The following APC variants were observed in gnomAD, a reference collection of about 807,000 sequenced individuals.
APC encodes adenomatous polyposis coli protein.
APC carries 72 observed loss-of-function variants against 247.0 expected under a neutral mutation model. The observed-to-expected ratio is 0.29, with a 90% CI of 0.24 to 0.35. The LOEUF is 0.35. Ranked by LOEUF, APC falls within the 10% of genes least tolerant of loss-of-function variation. The pLI is 1.00. For missense variants in APC, 3,400 were observed against 3,360.7 expected (o/e 1.01, Z -0.29); for synonymous variants, 1,254 against 1,162.5 (o/e 1.08, Z -1.60).
rs114262655 is a variant in APC, at chr5:112,808,627, G to A, written c.835-6868G>A. ...TCCCTCTGTTCCCCAGGCTGGTCTT[G>A]AACTCAAACTGATCTCAAGCAGTCC... is the stretch of plus-strand genomic sequence containing the variant. On this transcript the variant is annotated intron_variant, in intron 8 of 15. Coordinates refer to ENST00000257430, the MANE Select transcript of APC (RefSeq NM_000038.6). 8.1e-3 allele frequency among the ~76,000 whole-genome samples: 1,229 copies of A among 152,092 alleles called. 27 individuals are homozygous for A. Among genetic ancestry groups the A allele is most frequent in the African/African-American group, 0.028 (1,176 of 41,506 alleles).
intron 1 of APC, among the ~76,000 whole-genome samples, chr5:112,726,305 C>G (rs752565346): frequency 6.6e-6 from 1 of 152,088 alleles, no homozygotes; most frequent in East Asian, 1.9e-4. Flanking sequence ...TGGGTTTTAT[C>G]GAGTTGTGGA....
intron 1 of APC, among the ~76,000 whole-genome samples, chr5:112,726,013 T>A (rs559279032): frequency 6.6e-6 from 1 of 152,234 alleles, no homozygotes; most frequent in South Asian, 2.1e-4. Flanking sequence ...GTGGCTCATC[T>A]GTTCAGGCCA....
intron 11 of APC, among the ~76,000 whole-genome samples, chr5:112,826,874 G>A (rs1297864559): frequency 6.6e-6 from 1 of 152,098 alleles, no homozygotes; most frequent in Non-Finnish European, 1.5e-5. Flanking sequence ...GCAAGATAAG[G>A]GGCTGGGGGT....
chr5:112,795,256 G>T (rs993317384), intron 7 of APC, among the ~76,000 whole-genome samples: 2 of 152,140 alleles, frequency 1.3e-5, no homozygotes, highest in Non-Finnish European at 2.9e-5. Flanking sequence ...TTGAACTCCT[G>T]ACCTCATGAT....
At chr5:112,749,956 C>CT (rs796681523) in intron 1 of APC, among the ~76,000 whole-genome samples, 1,270 of 118,034 alleles carry the variant, frequency 0.011, 6 homozygotes, top group African/African-American at 0.029. Context: ...TTCTTTTTCT[C>CT]TTTTTTTTTT....
At chr5:112,786,146 A>G (rs895949221) in intron 6 of APC, among the ~76,000 whole-genome samples, 3 of 152,168 alleles carry the variant, frequency 2.0e-5, no homozygotes, top group Non-Finnish European at 4.4e-5. Flanking sequence ...TGCAGTGGCC[A>G]TTCACAGGAG....
rs1763893390 is a variant in APC, at chr5:112,828,021, T to A, written c.1626+15T>A. The stretch of plus-strand genomic sequence containing the variant: ...ACTTACAGCAGGTACTATTTAGAAT[T>A]TCACCTGTTTTTCTTTTTTCTCTTT... On this transcript the variant is annotated intron_variant, in intron 13 of 15. Coordinates refer to ENST00000257430, the MANE Select transcript of APC (RefSeq NM_000038.6). The A allele has an allele frequency of 6.2e-7, 1 of 1,607,026 alleles. No individual in the cohort carries two copies. The highest frequency in any genetic ancestry group is 8.5e-7 in the Non-Finnish European group (1 of 1,175,294).
intron 1 of APC, among the ~76,000 whole-genome samples, chr5:112,741,932 A>G (rs924627275): frequency 2.0e-5 from 3 of 152,232 alleles, no homozygotes; most frequent in African/African-American, 7.2e-5. Flanking sequence ...AGGTTCATCC[A>G]TACTGTAGCC....
At position 112,844,992 on chromosome 5, in the gene APC, T is replaced by C. The variant is rs1469052911; in HGVS notation, c.*866T>C. 1 of 232,290 alleles carries C rather than the reference T, an allele frequency of 4.3e-6. No homozygotes were observed. Among genetic ancestry groups the C allele is most frequent in the African/African-American group, 2.2e-5 (1 of 45,284 alleles). The allele number at this position is 232,290 out of a possible 1,614,324, so 14.4% of individuals were successfully genotyped here. ...TGCTGTATGTAAACTGTTACTGAAA[T>C]TGGTATTTGTTTGAAGGGTCTTGTT... On this transcript the variant is annotated 3_prime_UTR_variant, in exon 16 of 16. Coordinates refer to ENST00000257430, the MANE Select transcript of APC (RefSeq NM_000038.6).
exon 1 of APC, chr5:112,707,789 C>T (rs2149630853): frequency 7.3e-7 from 1 of 1,370,666 alleles, no homozygotes; most frequent in Non-Finnish European, 9.6e-7. Flanking sequence ...TTCTCGGGTC[C>T]TGGAGCACCG....
At chr5:112,818,869 T>TTTGAGTTA in intron 9 of APC, 97 bp from the exon 10 acceptor site, 4 of 1,376,290 alleles carry the variant, frequency 2.9e-6, no homozygotes, top group Admixed American at 1.8e-5. Context: ...TTTTGTTTTT[T>TTTGAGTTA]TAGAGTTATA....
At chr5:112,735,500 C>CAT (rs3884086), upstream of APC, among the ~76,000 whole-genome samples, 56,723 of 146,378 alleles carry the variant, frequency 0.39, 11,782 homozygotes, top group East Asian at 0.65. Context: ...TTAATGCATA[C>CAT]ATATATATAT....
chr5:112,827,309 C>A, intron 12 of APC, 62 bp downstream of exon 12: 1 of 1,567,652 alleles, frequency 6.4e-7, no homozygotes, highest in Non-Finnish European at 8.8e-7. Flanking sequence ...TACTTTCATA[C>A]AAATACATTT....
chr5:112,816,766 C>A (rs1448675076), intron 9 of APC, among the ~76,000 whole-genome samples: 1 of 150,252 alleles, frequency 6.7e-6, no homozygotes, highest in Non-Finnish European at 1.5e-5. Flanking sequence ...GCACTCCAGC[C>A]TGGGCAACAA....
At chr5:112,727,759 T>C (rs1751873043) in intron 1 of APC, among the ~76,000 whole-genome samples, 1 of 152,152 alleles carries the variant, frequency 6.6e-6, no homozygotes. Context: ...TTTGGTAACC[T>C]TCAGTCACTA....
intron 2 of APC, among the ~76,000 whole-genome samples, chr5:112,755,577 C>G (rs1754880150): frequency 6.6e-6 from 1 of 152,300 alleles, no homozygotes; most frequent in Non-Finnish European, 1.5e-5. Context: ...TTGGCAAGTA[C>G]AGGCATCACA....
At position 112,843,218 on chromosome 5, in the gene APC, A is replaced by G. The variant is rs2149990803; in HGVS notation, c.7624A>G (p.Asn2542Asp). Residue 2542 changes from asparagine (N) to aspartate (D), a missense_variant, in exon 16 of 16, where the codon AAT becomes GAT. This residue lies in a region of APC where 1,788 missense variants were observed against 1,649.5 expected (regional missense o/e 1.08). Coordinates refer to ENST00000257430, the MANE Select transcript of APC (RefSeq NM_000038.6). The surrounding 1 kb of genome is among the most constrained non-coding windows in gnomAD (Gnocchi z 4.8). ...HSESPSRLPI[N>D]RSGTWKREHS... is the part of the protein sequence containing the mutation. ...TGAAAGTCCTTCTAGACTTCCAATC[A>G]ATAGGTCAGGAACCTGGAAACGTGA... is the stretch of plus-strand genomic sequence containing the variant. 1 of 1,613,858 alleles carries G rather than the reference A, an allele frequency of 6.2e-7. No homozygotes were observed. The highest frequency in any genetic ancestry group is 8.5e-7 in the Non-Finnish European group (1 of 1,179,768).
intron 5 of APC, among the ~76,000 whole-genome samples, chr5:112,778,705 A>C (rs1037209722): frequency 6.6e-6 from 1 of 151,954 alleles, no homozygotes; most frequent in Admixed American, 6.6e-5. Flanking sequence ...CACCATGTCC[A>C]GCTAATTTTT....
intron 7 of APC, among the ~76,000 whole-genome samples, chr5:112,796,958 C>T (rs1328745200): frequency 1.3e-5 from 2 of 151,604 alleles, no homozygotes; most frequent in African/African-American, 2.4e-5. Flanking sequence ...ATAAAATAGC[C>T]CTCTATTTTA....
Sources: gnomAD v4.1 joint callset for allele counts (sites outside exome capture counted in the v4.1 genomes callset) on GRCh38, gnomAD v4.1.1 for gene constraint, gnomAD v4.1.1 regional missense constraint, Gnocchi (gnomAD v3.1) non-coding constraint, MANE v1.5 for transcripts, NCBI Gene and HGNC (gene_info 2026-07-23, HGNC 2026-07-21) for gene names.